Variants in PRR5 observed in about 807,000 individuals in gnomAD.
The protein encoded by PRR5 is proline rich 5.
In PRR5, 25 loss-of-function variants were observed where a neutral mutation model predicts 30.6. That is an observed-to-expected ratio of 0.82 (90% CI 0.60 to 1.14). The LOEUF (loss-of-function observed/expected upper bound fraction) is 1.14, where lower values mean the gene tolerates loss of function less well. PRR5 is among the 50% of genes most tolerant of loss of function. The probability of loss-of-function intolerance (pLI) is 0.00; values close to 1 mark genes in which losing one functional copy is unlikely to be tolerated. For synonymous variants in PRR5, 286 were observed against 247.1 expected, an observed-to-expected ratio of 1.16 and a Z score of -1.48; for missense variants, 600 against 547.1, an observed-to-expected ratio of 1.10 and a Z score of -0.96.
In PRR5 at chr22:44,735,047, C is replaced by T. The variant is rs756444580; in HGVS notation, c.576C>T (p.Gly192=). Residue 192 remains glycine, a synonymous_variant, in exon 7 of 8, where the codon GGC becomes GGT. Coordinates refer to ENST00000336985, the MANE Select transcript of PRR5 (RefSeq NM_181333.4). Reference sequence around the variant, plus strand: ...TGCAGGGGGTACATGAGTCCAGGGGCGTGACTGAGGACTACCTGCGCCTGG... The same window carrying T: ...TGCAGGGGGTACATGAGTCCAGGGGTGTGACTGAGGACTACCTGCGCCTGG... ...LVLQGVHESR[G]VTEDYLRLET... is the part of the protein sequence containing the mutation. 1.3e-5 allele frequency: 21 copies of T among 1,612,580 alleles called. No homozygotes were observed. The highest frequency in any genetic ancestry group is 1.6e-4 in the Middle Eastern group (1 of 6,080).
intron 7 of PRR5, among the ~76,000 whole-genome samples, chr22:44,736,259 C>G (rs117202269): frequency 0.018 from 2,688 of 152,316 alleles, 49 homozygotes; most frequent in Non-Finnish European, 0.026. Context: ...GGATGGAATC[C>G]CCGCCTTGAC....
At chr22:44,736,686 G>C in intron 7 of PRR5, 86 bp from the exon 8 acceptor site, 1 of 1,490,744 alleles carries the variant, frequency 6.7e-7, no homozygotes, top group Non-Finnish European at 8.9e-7. Flanking sequence ...CCTGCACAGG[G>C]ACCCAGTGTG....
At chr22:44,692,764 G>A (rs115412934) in intron 1 of PRR5, among the ~76,000 whole-genome samples, 8,827 of 152,300 alleles carry the variant, frequency 0.058, 500 homozygotes, top group African/African-American at 0.15. Flanking sequence ...TCTGCCGCCT[G>A]CCCTGAGGAG....
intron 1 of PRR5, among the ~76,000 whole-genome samples, chr22:44,678,920 C>A (rs963965255): frequency 1.3e-5 from 2 of 152,210 alleles, no homozygotes; most frequent in African/African-American, 4.8e-5. Context: ...CGACAGACAT[C>A]AGGGCACCTG....
chr22:44,712,989 T>C (rs933646282), intron 1 of PRR5, among the ~76,000 whole-genome samples: 2 of 152,244 alleles, frequency 1.3e-5, no homozygotes, highest in East Asian at 1.9e-4. Flanking sequence ...GCTTGCCTCA[T>C]GGATAGGGAT....
At chr22:44,729,135 A>G (rs998281512) in intron 4 of PRR5, among the ~76,000 whole-genome samples, 30 of 152,252 alleles carry the variant, frequency 2.0e-4, no homozygotes, top group African/African-American at 7.2e-4. Context: ...CAAACCCGGT[A>G]TGGGTCACGT....
Position 44,725,283 on chromosome 22 carries a change from G to A in PRR5, c.255G>A (p.Glu85=). 9 of 1,613,568 alleles carry A rather than the reference G, an allele frequency of 5.6e-6. No homozygotes were observed. The highest frequency in any genetic ancestry group is 7.6e-6 in the Non-Finnish European group (9 of 1,179,966). The change falls in exon 3 of 8, where the codon GAG becomes GAA. Residue 85 remains glutamate, a synonymous_variant. Transcript: ENST00000336985. ...LKTELGSFFT[E]YLQNQLLTKG... is the part of the protein sequence containing the mutation. ...CAGAGCTGGGGTCCTTCTTCACGGA[G>A]TACCTGCAGGTAGGTGGGTCTTGCT...
chr22:44,687,564 A>G (rs1430979406), intron 1 of PRR5, among the ~76,000 whole-genome samples: 1 of 152,144 alleles, frequency 6.6e-6, no homozygotes, highest in African/African-American at 2.4e-5. Context: ...TCTTATTGTC[A>G]GTGGGTAGAT....
intron 2 of PRR5, among the ~76,000 whole-genome samples, chr22:44,722,957 G>A (rs768959692): frequency 6.6e-6 from 1 of 151,790 alleles, no homozygotes; most frequent in Non-Finnish European, 1.5e-5. Context: ...CGGGGAAAAT[G>A]ACAATTGTTC....
In PRR5 at chr22:44,737,341, C is replaced by T. The variant is rs538415266; in HGVS notation, c.*94C>T. 231 of 1,477,946 alleles carry T rather than the reference C, an allele frequency of 1.6e-4. 2 individuals are homozygous for T. The East Asian group carries it at 4.8e-3, about 31-fold the overall frequency. 91.6% of individuals were successfully genotyped at this position (1,477,946 alleles called of 1,614,324 possible). ...TGTGAGTGAGACTTTTTTACTGCGTCCCGTCCCGCCAGCCCTATCGGCCTC... is the reference window on the plus strand; with the variant it reads ...TGTGAGTGAGACTTTTTTACTGCGTTCCGTCCCGCCAGCCCTATCGGCCTC... On this transcript the variant is annotated 3_prime_UTR_variant, in exon 8 of 8. Coordinates refer to ENST00000336985, the MANE Select transcript of PRR5 (RefSeq NM_181333.4).
intron 2 of PRR5, among the ~76,000 whole-genome samples, 172 bp from the exon 3 acceptor site, chr22:44,725,072 C>T (rs974443924): frequency 2.6e-5 from 4 of 152,118 alleles, no homozygotes; most frequent in Admixed American, 6.5e-5. Flanking sequence ...GTTGTGTGGC[C>T]GACCCAGCCC....
intron 4 of PRR5, chr22:44,729,864 C>T (rs1921613137): frequency 8.1e-6 from 8 of 985,468 alleles, no homozygotes; most frequent in Non-Finnish European, 9.6e-6. Context: ...CAGAGCCACC[C>T]CCCGGCCAGC....
rs1322677254 is a variant in PRR5, at chr22:44,713,083, G to A, written c.135-1508G>A. ...ACCCGGAGGGTCCTGCAGTCTCTGGGGTCAGAGCTCAGGATGCCCGGGAGT... is the reference window on the plus strand; with the variant it reads ...ACCCGGAGGGTCCTGCAGTCTCTGGAGTCAGAGCTCAGGATGCCCGGGAGT... On this transcript the variant is annotated intron_variant, in intron 1 of 7. Coordinates refer to ENST00000336985, the MANE Select transcript of PRR5 (RefSeq NM_181333.4). Among the ~76,000 whole-genome samples the A allele has an allele frequency of 4.6e-5, 7 of 152,336 alleles. No individual in the cohort carries two copies. The East Asian group carries it at 1.2e-3, about 25-fold the overall frequency.
At chr22:44,697,085 A>C (rs1460539219) in intron 1 of PRR5, among the ~76,000 whole-genome samples, 2 of 152,102 alleles carry the variant, frequency 1.3e-5, no homozygotes, top group Non-Finnish European at 2.9e-5. Flanking sequence ...CGATGGGCTC[A>C]CCTTCTGGTA....
At chr22:44,687,826 G>A (rs901656985) in intron 1 of PRR5, among the ~76,000 whole-genome samples, 1 of 152,120 alleles carries the variant, frequency 6.6e-6, no homozygotes, top group Non-Finnish European at 1.5e-5. Flanking sequence ...CCAGGCTGGA[G>A]TGCATTGGCG....
intron 4 of PRR5, chr22:44,729,951 G>A (rs181211983): frequency 8.9e-5 from 88 of 985,316 alleles, no homozygotes; most frequent in Non-Finnish European, 1.0e-4. Flanking sequence ...ACAGTTCGGC[G>A]GGGCGGTGAG....
Position 44,737,360 on chromosome 22 carries a change from C to T in PRR5, c.*113C>T, listed in dbSNP as rs766380870. ...CTGCGTCCCGTCCCGCCAGCCCTAT[C>T]GGCCTCGTCACTGGCCTTGGTCACT... On this transcript the variant is annotated 3_prime_UTR_variant, in exon 8 of 8. Transcript: ENST00000336985. 1.4e-4 allele frequency: 195 copies of T among 1,441,808 alleles called. No individual in the cohort carries two copies. The highest frequency in any genetic ancestry group is 7.1e-4 in the Admixed American group (26 of 36,866). 89.3% of individuals were successfully genotyped at this position (1,441,808 alleles called of 1,614,324 possible).
intron 6 of PRR5, among the ~76,000 whole-genome samples, chr22:44,733,019 A>G (rs200296151): frequency 1.1e-4 from 4 of 37,998 alleles, no homozygotes; most frequent in Admixed American, 8.1e-4. Context: ...ACACGTGCAC[A>G]TGCACATACA....
chr22:44,726,727 C>T, intron 4 of PRR5, 93 bp downstream of exon 4: 4 of 1,578,172 alleles, frequency 2.5e-6, no homozygotes, highest in Non-Finnish European at 3.5e-6. Context: ...CCTCTGGGTG[C>T]AAGGTGTGGC....
Sources: allele counts gnomAD v4.1 joint callset (sites outside exome capture counted in the v4.1 genomes callset), GRCh38; gene constraint gnomAD v4.1.1; transcripts MANE v1.5; gene names NCBI Gene and HGNC (gene_info 2026-07-23, HGNC 2026-07-21).